CENPX: variants seen among roughly 807,000 people sequenced by gnomAD.
CENPX encodes FANCM associated histone fold protein 2.
CENPX carries 13 observed loss-of-function variants against 13.2 expected under a neutral mutation model. That is an observed-to-expected ratio of 0.98 (90% CI 0.64 to 1.56). The LOEUF (loss-of-function observed/expected upper bound fraction) is 1.56. CENPX is among the 40% of genes most tolerant of loss of function. CENPX has a pLI of 0.00. For missense variants in CENPX, 138 were observed against 107.5 expected, an observed-to-expected ratio of 1.28 and a Z score of -1.26; for synonymous variants, 66 against 47.2, an observed-to-expected ratio of 1.40 and a Z score of -1.63.
intron 1 of CENPX, among the ~76,000 whole-genome samples, chr17:82,020,631 T>C (rs545706196): frequency 1.2e-4 from 18 of 151,816 alleles, no homozygotes; most frequent in East Asian, 1.9e-4. Context: ...AGCACTGGCG[T>C]TGGAAAGGAC....
At chr17:82,019,402 G>C (rs1013514651) in intron 3 of CENPX, 21 bp from the exon 4 acceptor site, 18 of 1,536,784 alleles carry the variant, frequency 1.2e-5, no homozygotes, top group Non-Finnish European at 1.6e-5. Context: ...AAACGCGAGA[G>C]GTGGGGGATG....
chr17:82,019,759 AC>A (rs1413846774), intron 2 of CENPX, 65 bp from the exon 3 acceptor site: 3 of 1,549,172 alleles, frequency 1.9e-6, no homozygotes, highest in Admixed American at 2.0e-5. Context: ...CTCCAGACAT[AC>A]CCCCGCCCTC....
In CENPX at chr17:82,019,096, A is replaced by C; in HGVS notation, c.*109T>G. On this transcript the variant is annotated 3_prime_UTR_variant, in exon 5 of 5. Transcript: ENST00000392359. ...AGAGATCTTGTTTGAATCAACTCCA[A>C]ATCCTTCAGGTCCTTCCCTGCCTCT... 7.0e-7 allele frequency: 1 copy of C among 1,432,326 alleles called. No individual in the cohort carries two copies. Among genetic ancestry groups the C allele is most frequent in the Non-Finnish European group, 9.3e-7 (1 of 1,077,932 alleles). The allele number at this position is 1,432,326 out of a possible 1,614,324, so 88.7% of individuals were successfully genotyped here. A position where few individuals can be genotyped will look rare whatever the true frequency, so the allele number is the denominator to read the frequency against.
Position 82,019,062 on chromosome 17 carries a change from G to T in CENPX, c.*143C>A. On this transcript the variant is annotated 3_prime_UTR_variant, in exon 5 of 5. Transcript: ENST00000392359. ...AGTCCTGCCCCTTCTGCACAGGCTG[G>T]AGACTCCCAGAGATCTTGTTTGAAT... 1 of 1,259,968 alleles carries T rather than the reference G, an allele frequency of 7.9e-7. No homozygotes were observed. The highest frequency in any genetic ancestry group is 1.6e-5 in the South Asian group (1 of 60,948). 78.0% of individuals were successfully genotyped at this position (1,259,968 alleles called of 1,614,324 possible). A position where few individuals can be genotyped will look rare whatever the true frequency, so the allele number is the denominator to read the frequency against.
chr17:82,021,601 G>A (rs2043283662), intron 1 of CENPX, among the ~76,000 whole-genome samples: 1 of 152,286 alleles, frequency 6.6e-6, no homozygotes, highest in Non-Finnish European at 1.5e-5. Flanking sequence ...GCCACGCCAG[G>A]GCTACGGGCC....
At chr17:82,021,718 G>GGTC (rs1454018930) in intron 1 of CENPX, among the ~76,000 whole-genome samples, 1 of 152,194 alleles carries the variant, frequency 6.6e-6, no homozygotes, top group Non-Finnish European at 1.5e-5. Flanking sequence ...TAGAACACAT[G>GGTC]ACCTCCTGGG....
chr17:82,021,563 ACAGC>A (rs1343932784), intron 1 of CENPX, among the ~76,000 whole-genome samples: 2 of 152,010 alleles, frequency 1.3e-5, no homozygotes, highest in Non-Finnish European at 2.9e-5. Flanking sequence ...TGCCTAGGAC[ACAGC>A]CAGCTTTGCC....
chr17:82,021,456 G>T (rs1295051204), intron 1 of CENPX, among the ~76,000 whole-genome samples: 1 of 152,258 alleles, frequency 6.6e-6, no homozygotes, highest in Non-Finnish European at 1.5e-5. Flanking sequence ...GCCAGAGAGT[G>T]GCGGATGCCA....
chr17:82,020,043 G>A (rs1034997647), intron 1 of CENPX, 134 bp from the exon 2 acceptor site: 8 of 852,952 alleles, frequency 9.4e-6, no homozygotes, highest in African/African-American at 6.9e-5. Context: ...TCCCAGGGCA[G>A]GGGACAAGGG....
chr17:82,022,482 T>C (rs1204749508), intron 1 of CENPX, among the ~76,000 whole-genome samples: 1 of 152,220 alleles, frequency 6.6e-6, no homozygotes, highest in Non-Finnish European at 1.5e-5. Flanking sequence ...TCATCTCCCC[T>C]TAACAAAAGA....
rs1418771848 is a variant in CENPX, at chr17:82,019,292, C to T, written c.231+1G>A. On this transcript the variant is annotated splice_donor_variant, in intron 4 of 4. Coordinates refer to ENST00000392359, the MANE Select transcript of CENPX (RefSeq NM_001271006.2). LOFTEE classifies it high-confidence loss of function. The stretch of plus-strand genomic sequence containing the variant: ...TTGCGCCCCGACCCACGCTCACGCA[C>T]CAGCTGCGGAAGCACCTTCTCCAGC... 6.3e-7 allele frequency: 1 copy of T among 1,596,446 alleles called. No homozygotes were observed. The highest frequency in any genetic ancestry group is 1.7e-5 in the Admixed American group (1 of 57,366).
rs1433608027 is a variant in CENPX, at chr17:82,019,153, T to A, written c.*52A>T. 1 of 1,511,468 alleles carries A rather than the reference T, an allele frequency of 6.6e-7. No individual in the cohort carries two copies. The allele number at this position is 1,511,468 out of a possible 1,614,324, so 93.6% of individuals were successfully genotyped here. The stretch of plus-strand genomic sequence containing the variant: ...AGGCCGCTGGAAACACAAGGCCTGC[T>A]TCTGTGGACCAGGGGCTCCTCTGGG... On this transcript the variant is annotated 3_prime_UTR_variant, in exon 5 of 5. Transcript: ENST00000392359.
chr17:82,019,114 CTG>C lies in CENPX; in HGVS notation c.*89_*90del. On this transcript the variant is annotated 3_prime_UTR_variant, in exon 5 of 5. Transcript: ENST00000392359. ...AACTCCAAATCCTTCAGGTCCTTCC[CTG>C]CCTCTTATCAGAGGCCGCTGGAAAC... The C allele has an allele frequency of 6.8e-7, 1 of 1,472,942 alleles. No individual in the cohort carries two copies. Among genetic ancestry groups the C allele is most frequent in the Non-Finnish European group, 9.0e-7 (1 of 1,108,686 alleles). 91.2% of individuals were successfully genotyped at this position (1,472,942 alleles called of 1,614,324 possible).
intron 1 of CENPX, among the ~76,000 whole-genome samples, chr17:82,021,984 C>T (rs2043293696): frequency 6.6e-6 from 1 of 152,232 alleles, no homozygotes; most frequent in African/African-American, 2.4e-5. Context: ...GAAGTCCTCC[C>T]TCCAGGATGG....
intron 1 of CENPX, among the ~76,000 whole-genome samples, chr17:82,021,358 G>A (rs1450405444): frequency 2.0e-5 from 3 of 152,220 alleles, no homozygotes; most frequent in Non-Finnish European, 2.9e-5. Flanking sequence ...GTACCAGAAA[G>A]GCACCAGAAA....
At position 82,018,982 on chromosome 17, in the gene CENPX, G is replaced by GC; in HGVS notation, c.*222dup. On this transcript the variant is annotated 3_prime_UTR_variant, in exon 5 of 5. Coordinates refer to ENST00000392359, the MANE Select transcript of CENPX (RefSeq NM_001271006.2). ...GAGAGGCAGGGACTCCCCAGGTGCT[G>GC]CCCCTTCCCACACCAGTGTCCCCAC... 3.8e-6 allele frequency: 2 copies of GC among 527,682 alleles called. No individual in the cohort carries two copies. Among genetic ancestry groups the GC allele is most frequent in the Non-Finnish European group, 6.1e-6 (2 of 327,536 alleles). The allele number at this position is 527,682 out of a possible 1,614,324, so 32.7% of individuals were successfully genotyped here. A position where few individuals can be genotyped will look rare whatever the true frequency, so the allele number is the denominator to read the frequency against.
rs2144121944 is a variant in CENPX at position 82,019,707 on chromosome 17, G to A, written c.89-13C>T. On this transcript the variant is annotated splice_polypyrimidine_tract_variant and intron_variant, in intron 2 of 4. Transcript: ENST00000392359. The stretch of plus-strand genomic sequence containing the variant: ...GCGTCCCCGCTCACTGCAAGGCAGG[G>A]GGAGGTTATGCGGGACCCTCACCCA... 2 of 1,550,292 alleles carry A rather than the reference G, an allele frequency of 1.3e-6. No individual in the cohort carries two copies. The highest frequency in any genetic ancestry group is 2.4e-5 in the East Asian group (1 of 40,910).
At chr17:82,020,232 G>A (rs899094529) in intron 1 of CENPX, among the ~76,000 whole-genome samples, 4 of 152,224 alleles carry the variant, frequency 2.6e-5, no homozygotes, top group African/African-American at 7.2e-5. Flanking sequence ...AGGCCTCGTC[G>A]AGTCCGGCCT....
intron 1 of CENPX, among the ~76,000 whole-genome samples, chr17:82,020,569 C>T (rs781448147): frequency 1.3e-5 from 2 of 152,104 alleles, no homozygotes; most frequent in Admixed American, 6.6e-5. Context: ...ATGAGCTCTC[C>T]GTGTCTCCAT....
Sources: allele counts gnomAD v4.1 joint callset (sites outside exome capture counted in the v4.1 genomes callset), GRCh38; gene constraint gnomAD v4.1.1; transcripts MANE v1.5; gene names NCBI Gene and HGNC (gene_info 2026-07-23, HGNC 2026-07-21).